The following MIR2052HG variants were observed in gnomAD, a reference collection of about 807,000 sequenced individuals.
The protein encoded by MIR2052HG is MIR2052 host gene.
chr8:74,629,206 C>T (rs1466114345), intron 2 of MIR2052HG, among the ~76,000 whole-genome samples: 1 of 152,072 alleles, frequency 6.6e-6, no homozygotes, highest in Non-Finnish European at 1.5e-5. Flanking sequence ...GACAGAGGCT[C>T]TATGCTGTTA....
intron 2 of MIR2052HG, among the ~76,000 whole-genome samples, chr8:74,688,760 C>T (rs1253295191): frequency 1.3e-5 from 2 of 152,122 alleles, no homozygotes; most frequent in East Asian, 1.9e-4. Flanking sequence ...GCACCCATTA[C>T]CTGGGCAGTA....
intron 2 of MIR2052HG, among the ~76,000 whole-genome samples, chr8:74,668,343 A>T (rs926246258): frequency 3.3e-5 from 5 of 152,158 alleles, no homozygotes; most frequent in Non-Finnish European, 5.9e-5. Flanking sequence ...CACACATTTT[A>T]TACTGTCTGC....
rs553031375 is a variant in MIR2052HG, at chr8:74,736,887, GC to G, written n.372-15553del. 2.0e-5 allele frequency among the ~76,000 whole-genome samples: 3 copies of G among 152,120 alleles called. No homozygotes were observed. In the South Asian group the frequency reaches 6.2e-4, roughly 31 times the overall value. On this transcript the variant is annotated intron_variant and non_coding_transcript_variant, in intron 4 of 6. Coordinates refer to ENST00000523442, the Ensembl canonical transcript of MIR2052HG. The stretch of plus-strand genomic sequence containing the variant: ...ATTTCTGAGCTACTGTAGGAGTTTT[GC>G]TCATAAGGGCACTTACACTGAGGCA...
At position 74,676,360 on chromosome 8, in the gene MIR2052HG, AG is replaced by A. The variant is rs542192523; in HGVS notation, n.217-26018del. Among the ~76,000 whole-genome samples the A allele has an allele frequency of 1.9e-3, 295 of 152,174 alleles. 2 individuals are homozygous for A. Among genetic ancestry groups the A allele is most frequent in the African/African-American group, 6.3e-3 (262 of 41,566 alleles). ...CAGAATTAGCCTGTAGGTTGAGAGT[AG>A]TTTCATTGCAGTTAAAATGATTTAT... is the stretch of plus-strand genomic sequence containing the variant. On this transcript the variant is annotated intron_variant and non_coding_transcript_variant, in intron 2 of 6. Coordinates refer to ENST00000523442, the Ensembl canonical transcript of MIR2052HG.
intron 2 of MIR2052HG, among the ~76,000 whole-genome samples, chr8:74,617,600 G>A (rs1315296859): frequency 6.6e-6 from 1 of 151,954 alleles, no homozygotes; most frequent in Non-Finnish European, 1.5e-5. Flanking sequence ...TAAAAATCCA[G>A]TTCTTTGTTG....
chr8:74,673,910 T>TATATATATATATATATATATATATAC (rs1485340799), intron 2 of MIR2052HG, among the ~76,000 whole-genome samples: 7 of 133,244 alleles, frequency 5.3e-5, no homozygotes, highest in African/African-American at 2.0e-4. Context: ...TATATATATA[T>TATATATATATATATATATATATATAC]ACACACACAA....
intron 1 of MIR2052HG, among the ~76,000 whole-genome samples, chr8:74,602,862 TTTC>T (rs1808035961): frequency 6.9e-6 from 1 of 145,700 alleles, no homozygotes; most frequent in Admixed American, 7.0e-5. Context: ...TCTTTCTTTC[TTTC>T]TTTCTTTCTT....
chr8:74,719,846 T>C (rs1490283572), intron 4 of MIR2052HG, among the ~76,000 whole-genome samples: 1 of 103,238 alleles, frequency 9.7e-6, no homozygotes, highest in East Asian at 3.4e-4. Flanking sequence ...TTTTTTCTTT[T>C]TTCTTTTTTT....
chr8:74,639,119 T>A (rs1485845926), intron 2 of MIR2052HG, among the ~76,000 whole-genome samples: 2 of 152,160 alleles, frequency 1.3e-5, no homozygotes, highest in Non-Finnish European at 2.9e-5. Flanking sequence ...AGCCTTGAGA[T>A]CCACATTTGA....
At position 74,604,583 on chromosome 8, in the gene MIR2052HG, C is replaced by CTTTTTTTTTT. The variant is rs35641908; in HGVS notation, n.128+4691_128+4700dup. Among the ~76,000 whole-genome samples, 23 of 50,006 alleles carry CTTTTTTTTTT rather than the reference C, an allele frequency of 4.6e-4. 6 individuals are homozygous for CTTTTTTTTTT. The highest frequency in any genetic ancestry group is 1.3e-3 in the South Asian group (2 of 1,510). 32.8% of individuals were successfully genotyped at this position (50,006 alleles called of 152,430 possible). ...GCTCTGGGCCGGCCTTGTTTCTTTA[C>CTTTTTTTTTT]TTTTTTTTTTTTTTTTTTTTTTTTT... On this transcript the variant is annotated intron_variant and non_coding_transcript_variant, in intron 1 of 6. Coordinates refer to ENST00000523442, the Ensembl canonical transcript of MIR2052HG.
intron 2 of MIR2052HG, among the ~76,000 whole-genome samples, chr8:74,699,328 A>T (rs1586917178): frequency 6.6e-6 from 1 of 152,140 alleles, no homozygotes; most frequent in East Asian, 1.9e-4. Context: ...TAGCAGCACA[A>T]TTTGCAACTG....
chr8:74,728,572 T>C (rs912181736), intron 4 of MIR2052HG, among the ~76,000 whole-genome samples: 5 of 152,116 alleles, frequency 3.3e-5, no homozygotes, highest in Non-Finnish European at 7.4e-5. Flanking sequence ...ATATACACAA[T>C]TGTAATTCAG....
intron 4 of MIR2052HG, among the ~76,000 whole-genome samples, chr8:74,709,966 C>T (rs1809449766): frequency 6.6e-6 from 1 of 152,090 alleles, no homozygotes; most frequent in Non-Finnish European, 1.5e-5. Flanking sequence ...CTGCAATATG[C>T]ATCTAGTTTA....
chr8:74,660,108 G>A (rs1338360750), intron 2 of MIR2052HG, among the ~76,000 whole-genome samples: 1 of 152,154 alleles, frequency 6.6e-6, no homozygotes, highest in Non-Finnish European at 1.5e-5. Flanking sequence ...ATGGAATTGG[G>A]AAGCCACTAG....
intron 2 of MIR2052HG, among the ~76,000 whole-genome samples, chr8:74,701,333 A>G (rs1412896607): frequency 2.0e-5 from 3 of 152,148 alleles, no homozygotes; most frequent in Admixed American, 1.3e-4. Flanking sequence ...AACATTTTTT[A>G]AAATGTAGTA....
intron 2 of MIR2052HG, among the ~76,000 whole-genome samples, chr8:74,637,810 C>T (rs529601073): frequency 5.3e-5 from 8 of 152,200 alleles, no homozygotes; most frequent in South Asian, 2.1e-4. Context: ...TCTAGCCTAT[C>T]GCTTACTGTA....
chr8:74,719,852 T>TC (rs1554577794), intron 4 of MIR2052HG, among the ~76,000 whole-genome samples: 7 of 130,474 alleles, frequency 5.4e-5, no homozygotes, highest in Admixed American at 1.5e-4. Context: ...CTTTTTTCTT[T>TC]TTTTTTTTTT....
Position 74,670,426 on chromosome 8 carries a change from C to T in MIR2052HG, n.217-31953C>T, listed in dbSNP as rs527809584. 5.9e-5 allele frequency among the ~76,000 whole-genome samples: 9 copies of T among 152,160 alleles called. No individual in the cohort carries two copies. The South Asian group carries it at 1.9e-3, about 32-fold the overall frequency. ...AGAAACTCCCCTGGGCTAGATTATT[C>T]AAGAATCAGGTTGAAGTATGAAATA... is the stretch of plus-strand genomic sequence containing the variant. On this transcript the variant is annotated intron_variant and non_coding_transcript_variant, in intron 2 of 6. Coordinates refer to ENST00000523442, the Ensembl canonical transcript of MIR2052HG.
chr8:74,617,328 T>C (rs1808297476), intron 2 of MIR2052HG, among the ~76,000 whole-genome samples: 1 of 152,164 alleles, frequency 6.6e-6, no homozygotes, highest in Non-Finnish European at 1.5e-5. Context: ...CATTTATAAG[T>C]GAGAACATGC....
Sources: gnomAD v4.1 joint callset for allele counts (sites outside exome capture counted in the v4.1 genomes callset) on GRCh38, gnomAD v4.1.1 for gene constraint, MANE v1.5 for transcripts, NCBI Gene and HGNC (gene_info 2026-07-23, HGNC 2026-07-21) for gene names.